The following EPRS1 variants were observed in gnomAD, a reference collection of about 807,000 sequenced individuals.
EPRS1 encodes bifunctional glutamate/proline--tRNA ligase.
In EPRS1, 107 loss-of-function variants were observed where a neutral mutation model predicts 188.3. That is an observed-to-expected ratio of 0.57 (90% CI 0.49 to 0.67). EPRS1 has a LOEUF of 0.67. Among genes scored for constraint, EPRS1 ranks in the 30% least tolerant of loss-of-function variants. The probability of loss-of-function intolerance (pLI) is 0.00; values close to 1 mark genes in which losing one functional copy is unlikely to be tolerated. For missense variants in EPRS1, 1,577 were observed against 1,802.2 expected (o/e 0.88, Z 2.26); for synonymous variants, 596 against 593.1 (o/e 1.00, Z -0.07).
chr1:219,994,942 G>A (rs772699644), intron 18 of EPRS1, among the ~76,000 whole-genome samples: 26 of 151,958 alleles, frequency 1.7e-4, no homozygotes, highest in Non-Finnish European at 3.4e-4. Context: ...ATGAGCCACC[G>A]CACCTGGCCT....
intron 1 of EPRS1, among the ~76,000 whole-genome samples, chr1:220,044,854 G>C (rs1209024494): frequency 6.6e-6 from 1 of 152,144 alleles, no homozygotes; most frequent in East Asian, 1.9e-4. Context: ...CAACTAGTAA[G>C]TGGCAGCCAG....
In EPRS1 at chr1:219,997,279, C is replaced by A. The variant is rs1286033342; in HGVS notation, c.2245G>T (p.Asp749Tyr). ...ACTCTATTGTAAAGGACCAAGGAAT[C>A]CTCAGATGTAGTACAATTATTATTC... ...SLNNNCTTSE[D>Y]SLVLYNRVAV... The change falls in exon 18 of 32, where the codon GAT becomes TAT. Residue 749 changes from aspartate (D) to tyrosine (Y), a missense_variant. Physicochemically the swap from Asp to Tyr is radical, Grantham distance 160. Transcript: ENST00000366923. 5.0e-6 allele frequency: 8 copies of A among 1,613,450 alleles called. No individual in the cohort carries two copies. The East Asian group carries it at 1.1e-4, about 22-fold the overall frequency.
intron 17 of EPRS1, among the ~76,000 whole-genome samples, chr1:220,000,496 A>T (rs1431737826): frequency 6.6e-6 from 1 of 152,234 alleles, no homozygotes; most frequent in Admixed American, 6.5e-5. Context: ...ATCTGTAAAA[A>T]TTTAAAACCA....
intron 18 of EPRS1, among the ~76,000 whole-genome samples, chr1:219,992,331 C>T (rs530951129): frequency 1.3e-5 from 2 of 152,212 alleles, no homozygotes; most frequent in Non-Finnish European, 2.9e-5. Context: ...GGTGATTCAA[C>T]TCCCCTCCAC....
At chr1:219,994,456 C>T (rs1271007799) in intron 18 of EPRS1, among the ~76,000 whole-genome samples, 1 of 151,566 alleles carries the variant, frequency 6.6e-6, no homozygotes, top group Non-Finnish European at 1.5e-5. Flanking sequence ...ACATTTGTTT[C>T]AATTAGAAGT....
In EPRS1 at chr1:219,980,838, G is replaced by C; in HGVS notation, c.3473C>G (p.Pro1158Arg). 6.2e-7 allele frequency: 1 copy of C among 1,612,302 alleles called. No individual in the cohort carries two copies. The highest frequency in any genetic ancestry group is 8.5e-7 in the Non-Finnish European group (1 of 1,179,014). ...CNVVRWEFKH[P>R]QPFLRTREFL... is the part of the protein sequence containing the mutation. ...TTCACGAGTACGTAGGAAAGGCTGA[G>C]GATGCTTGAATTCCCAACGCTGGAA... The change falls in exon 25 of 32, where the codon CCT becomes CGT. Residue 1158 changes from proline to arginine, a missense_variant. Around this residue, in one of 3 missense-constraint regions of EPRS1, gnomAD observed 1,278 missense variants for 1,457.4 expected, o/e 0.88. Coordinates refer to ENST00000366923, the MANE Select transcript of EPRS1 (RefSeq NM_004446.3).
At chr1:220,010,205 A>G (rs531695804) in intron 13 of EPRS1, among the ~76,000 whole-genome samples, 4 of 152,226 alleles carry the variant, frequency 2.6e-5, no homozygotes, top group Non-Finnish European at 5.9e-5. Context: ...CTGTGATTCA[A>G]CAGTAGTAGG....
At chr1:220,016,449 C>T (rs187223121) in intron 12 of EPRS1, among the ~76,000 whole-genome samples, 36 of 151,196 alleles carry the variant, frequency 2.4e-4, no homozygotes, top group Admixed American at 1.9e-3. Flanking sequence ...CTCACCCTGT[C>T]ACCCAGGCTG....
rs1405887730 is a variant in EPRS1 at position 219,968,805 on chromosome 1, C to T, written c.*1G>A. On this transcript the variant is annotated 3_prime_UTR_variant, in exon 32 of 32. Transcript: ENST00000366923. The stretch of plus-strand genomic sequence containing the variant: ...TTGAAGAGGGGGCTTTCGTTCATCC[C>T]TCAGTAGCTGCGACCAAATAAGGTG... 6.2e-7 allele frequency: 1 copy of T among 1,613,916 alleles called. No homozygotes were observed. The highest frequency in any genetic ancestry group is 8.5e-7 in the Non-Finnish European group (1 of 1,179,964).
chr1:220,028,339 T>C (rs1384680295), intron 6 of EPRS1, among the ~76,000 whole-genome samples: 1 of 152,208 alleles, frequency 6.6e-6, no homozygotes, highest in Non-Finnish European at 1.5e-5. Context: ...AAAAATGTTA[T>C]TTCTAAATCT....
At chr1:220,011,865 G>A (rs549121699) in intron 12 of EPRS1, among the ~76,000 whole-genome samples, 1 of 152,260 alleles carries the variant, frequency 6.6e-6, no homozygotes, top group Admixed American at 6.5e-5. Flanking sequence ...TATATATAAA[G>A]CACATGTGAG....
intron 30 of EPRS1, among the ~76,000 whole-genome samples, chr1:219,969,469 C>G (rs908250541): frequency 2.0e-5 from 3 of 152,150 alleles, no homozygotes; most frequent in African/African-American, 7.2e-5. Context: ...ACTACACCTG[C>G]TCTACCTATC....
At chr1:220,011,559 A>G (rs1448041792) in intron 12 of EPRS1, among the ~76,000 whole-genome samples, 4 of 152,246 alleles carry the variant, frequency 2.6e-5, no homozygotes, top group Non-Finnish European at 5.9e-5. Flanking sequence ...GCAATTCTAT[A>G]GATTAAAAGT....
At chr1:220,045,352 A>G (rs1662380772) in intron 1 of EPRS1, among the ~76,000 whole-genome samples, 1 of 152,116 alleles carries the variant, frequency 6.6e-6, no homozygotes, top group African/African-American at 2.4e-5. Flanking sequence ...CACAAACACA[A>G]AATTAGCCAG....
At chr1:220,031,924 G>A (rs1662091004) in intron 5 of EPRS1, among the ~76,000 whole-genome samples, 1 of 151,996 alleles carries the variant, frequency 6.6e-6, no homozygotes, top group South Asian at 2.1e-4. Flanking sequence ...TAAAGATTAG[G>A]GCTTTATATA....
In EPRS1 at chr1:220,007,447, T is replaced by C; in HGVS notation, c.1606-109A>G. The C allele has an allele frequency of 1.5e-5, 16 of 1,039,126 alleles. No individual in the cohort carries two copies. The South Asian group carries it at 2.5e-4, about 16-fold the overall frequency. The allele number at this position is 1,039,126 out of a possible 1,614,324, so 64.4% of individuals were successfully genotyped here. On this transcript the variant is annotated intron_variant, in intron 13 of 31. Transcript: ENST00000366923. ...TTTAACCATACAAAAGTCTTCTGTGTTACTAAACTGTTAGCAGTTCATTGC... is the reference window on the plus strand; with the variant it reads ...TTTAACCATACAAAAGTCTTCTGTGCTACTAAACTGTTAGCAGTTCATTGC...
chr1:219,980,068 G>A lies in EPRS1; in HGVS notation c.3711+17C>T. On this transcript the variant is annotated intron_variant, in intron 26 of 31. Transcript: ENST00000366923. ...GTGCTTACAGTGACCTACGAATCCT[G>A]TGTGGCAGTTTGATACCTGGATAGC... 6.2e-7 allele frequency: 1 copy of A among 1,611,002 alleles called. No individual in the cohort carries two copies. Among genetic ancestry groups the A allele is most frequent in the Non-Finnish European group, 8.5e-7 (1 of 1,177,728 alleles).
intron 16 of EPRS1, among the ~76,000 whole-genome samples, chr1:220,004,634 T>C (rs191433382): frequency 1.3e-5 from 2 of 152,298 alleles, no homozygotes; most frequent in East Asian, 3.9e-4. Context: ...TTGAACACGT[T>C]GAGTTTGAAA....
At chr1:220,010,904 T>C (rs1011727292) in intron 13 of EPRS1, 42 bp downstream of exon 13, 8 of 1,173,828 alleles carry the variant, frequency 6.8e-6, no homozygotes, top group Non-Finnish European at 1.0e-5. Context: ...CTGCTCCTTC[T>C]TTTAACAGAG....
Sources: allele counts gnomAD v4.1 joint callset (sites outside exome capture counted in the v4.1 genomes callset), GRCh38; gene constraint gnomAD v4.1.1; regional missense constraint gnomAD v4.1.1; transcripts MANE v1.5; gene names NCBI Gene and HGNC (gene_info 2026-07-23, HGNC 2026-07-21).